The following TSPEAR variants were observed in gnomAD, a reference collection of about 807,000 sequenced individuals.
The protein encoded by TSPEAR is thrombospondin-type laminin G domain and EAR repeat-containing protein.
In TSPEAR, 69 loss-of-function variants were observed where a neutral mutation model predicts 71.6. The observed-to-expected ratio is 0.96, with a 90% CI of 0.79 to 1.18. TSPEAR has a LOEUF of 1.18. Among genes scored for constraint, TSPEAR ranks in the 50% most tolerant of loss-of-function variants. TSPEAR has a pLI of 0.00. For synonymous variants in TSPEAR, 402 were observed against 387.2 expected (o/e 1.04, Z -0.45); for missense variants, 971 against 894.9 (o/e 1.09, Z -1.09).
chr21:44,648,470 T>A lies in TSPEAR; in HGVS notation c.82+62963A>T, dbSNP rs1555940725. Among the ~76,000 whole-genome samples, 4 of 152,220 alleles carry A rather than the reference T, an allele frequency of 2.6e-5. No individual in the cohort carries two copies. In the South Asian group the frequency reaches 8.3e-4, roughly 31 times the overall value. On this transcript the variant is annotated intron_variant, in intron 1 of 11. Coordinates refer to ENST00000323084, the MANE Select transcript of TSPEAR (RefSeq NM_144991.3). ...AGTTTATTCAACCCGTGTCCGTTAC[T>A]TGCTTATTCAAATATTAAGAAAAAT...
At position 44,545,473 on chromosome 21, in the gene TSPEAR, G is replaced by A. The variant is rs376816282; in HGVS notation, c.304-11550C>T. Among the ~76,000 whole-genome samples the A allele has an allele frequency of 5.9e-5, 9 of 152,192 alleles. No homozygotes were observed. In the East Asian group the frequency reaches 9.6e-4, roughly 16 times the overall value. ...GTAGACAACAACACACTCTTCTCAA[G>A]TTCACATGGAACAGTTGCCATATTA... is the stretch of plus-strand genomic sequence containing the variant. On this transcript the variant is annotated intron_variant, in intron 2 of 11. Transcript: ENST00000323084.
chr21:44,607,140 T>C (rs914639098), intron 1 of TSPEAR, among the ~76,000 whole-genome samples: 2 of 152,238 alleles, frequency 1.3e-5, no homozygotes, highest in Non-Finnish European at 2.9e-5. Context: ...TGGAGTGCAG[T>C]GGCACAATAG....
At chr21:44,533,562 C>T (rs1459527550) in intron 3 of TSPEAR, 123 bp downstream of exon 3, 9 of 831,656 alleles carry the variant, frequency 1.1e-5, no homozygotes, top group Non-Finnish European at 1.7e-5. Context: ...TGGCTCCTGA[C>T]CCTGGTCAGC....
intron 1 of TSPEAR, among the ~76,000 whole-genome samples, chr21:44,636,211 C>T (rs1160406077): frequency 3.3e-5 from 5 of 152,156 alleles, no homozygotes; most frequent in Non-Finnish European, 5.9e-5. Context: ...GCATGTGGAC[C>T]GGTCTCCAGC....
Position 44,533,847 on chromosome 21 carries a change from T to C in TSPEAR, c.380A>G (p.Gln127Arg). The stretch of plus-strand genomic sequence containing the variant: ...CTCGCGAAGGAACAGGAAGTGCAGC[T>C]GGGCAGGTGACAACCGCAGGCCGAG... Reference protein sequence around the residue: ...LLLGLRLSPAQLHFLFLREDT... With the variant: ...LLLGLRLSPARLHFLFLREDT... Residue 127 changes from glutamine (Q) to arginine (R), a missense_variant, in exon 3 of 12, where the codon CAG becomes CGG. Physicochemically the swap from Gln to Arg is conservative, Grantham distance 43. Coordinates refer to ENST00000323084, the MANE Select transcript of TSPEAR (RefSeq NM_144991.3). 6.2e-7 allele frequency: 1 copy of C among 1,612,328 alleles called. No homozygotes were observed. The highest frequency in any genetic ancestry group is 8.5e-7 in the Non-Finnish European group (1 of 1,179,872).
rs1472558258 is a variant in TSPEAR, at chr21:44,677,119, AC to A, written c.82+34313del. ...TTGAGCTGCTTGGACCTTTTTGACC[AC>A]ATTATCCAGATCAACTATCATGTTG... On this transcript the variant is annotated intron_variant, in intron 1 of 11. Transcript: ENST00000323084. 64 of 715,328 alleles carry A rather than the reference AC, an allele frequency of 8.9e-5. No homozygotes were observed. The African/African-American group carries it at 1.0e-3, about 11-fold the overall frequency. 44.3% of individuals were successfully genotyped at this position (715,328 alleles called of 1,614,324 possible).
intron 1 of TSPEAR, chr21:44,601,156 G>A (rs1980843013): frequency 1.3e-6 from 2 of 1,596,678 alleles, no homozygotes; most frequent in East Asian, 2.3e-5. Flanking sequence ...GTCTAGCTGT[G>A]TGAGCTGTGT....
chr21:44,583,573 T>TATGTGTGTGTGTGA (rs1351192506), intron 1 of TSPEAR, among the ~76,000 whole-genome samples: 4 of 152,224 alleles, frequency 2.6e-5, no homozygotes, highest in African/African-American at 9.6e-5. Context: ...TTTGTTCATG[T>TATGTGTGTGTGTGA]ATGTGTGTGT....
intron 1 of TSPEAR, among the ~76,000 whole-genome samples, chr21:44,679,496 C>G (rs989218311): frequency 6.6e-6 from 1 of 152,156 alleles, no homozygotes; most frequent in Non-Finnish European, 1.5e-5. Context: ...AGACTCAATG[C>G]AATCTCTATC....
At chr21:44,591,780 C>T (rs1383280326) in intron 1 of TSPEAR, 7 of 1,585,164 alleles carry the variant, frequency 4.4e-6, no homozygotes, top group Non-Finnish European at 6.0e-6. Flanking sequence ...AGCACACAGG[C>T]ACGCAGCAGA....
intron 2 of TSPEAR, among the ~76,000 whole-genome samples, chr21:44,553,818 C>T (rs9984930): frequency 6.6e-6 from 1 of 152,154 alleles, no homozygotes; most frequent in African/African-American, 2.4e-5. Flanking sequence ...AATGAACTGC[C>T]TCAGGCTGAC....
chr21:44,557,558 C>T (rs587746612), intron 2 of TSPEAR, among the ~76,000 whole-genome samples: 133 of 151,972 alleles, frequency 8.8e-4, no homozygotes, highest in South Asian at 1.5e-3. Flanking sequence ...GAGGCCGGGC[C>T]GGGTGGGTGT....
At chr21:44,523,081 GT>G (rs1555914475) in intron 8 of TSPEAR, among the ~76,000 whole-genome samples, 4 of 142,340 alleles carry the variant, frequency 2.8e-5, no homozygotes, top group African/African-American at 1.2e-4. Flanking sequence ...CAGTTAGTCA[GT>G]CAGTCAGCCA....
chr21:44,509,448 C>CAGCACTCTCCCT (rs2052294285), intron 9 of TSPEAR, 62 bp from the exon 10 acceptor site: 1 of 812,528 alleles, frequency 1.2e-6, no homozygotes, highest in Non-Finnish European at 1.6e-6. Context: ...TGTGGGGGAG[C>CAGCACTCTCCCT]GGGCGCAGAG....
intron 2 of TSPEAR, chr21:44,558,571 G>A: frequency 6.2e-7 from 1 of 1,612,286 alleles, no homozygotes; most frequent in East Asian, 2.2e-5. Flanking sequence ...CAGCTCACTG[G>A]GGTGCAGACC....
At position 44,529,783 on chromosome 21, in the gene TSPEAR, G is replaced by A. The variant is rs1569167096; in HGVS notation, c.790+15C>T. The A allele has an allele frequency of 6.2e-7, 1 of 1,613,118 alleles. No individual in the cohort carries two copies. On this transcript the variant is annotated intron_variant, in intron 5 of 11. Transcript: ENST00000323084. ...ATCTGCCTTTGGTGTGGGGGCGGGT[G>A]GCCCCCCTACTAACCATAGGGATAT...
chr21:44,511,614 C>T (rs587692147), intron 9 of TSPEAR, among the ~76,000 whole-genome samples: 18 of 152,384 alleles, frequency 1.2e-4, no homozygotes, highest in African/African-American at 4.3e-4. Flanking sequence ...TACACACACA[C>T]ATGCACCCAC....
chr21:44,697,334 G>A, intron 1 of TSPEAR: 3 of 1,612,088 alleles, frequency 1.9e-6, no homozygotes, highest in Non-Finnish European at 2.5e-6. Context: ...CTGCGCCCCG[G>A]CCCCCTGCCT....
At chr21:44,534,307 T>G (rs1601378584) in intron 2 of TSPEAR, among the ~76,000 whole-genome samples, 1 of 22,026 alleles carries the variant, frequency 4.5e-5, no homozygotes, top group East Asian at 2.0e-3. Context: ...GGCTGGTGTG[T>G]GTGGGGCAGG....
Sources: gnomAD v4.1 joint callset for allele counts (sites outside exome capture counted in the v4.1 genomes callset) on GRCh38, gnomAD v4.1.1 for gene constraint, MANE v1.5 for transcripts, NCBI Gene and HGNC (gene_info 2026-07-23, HGNC 2026-07-21) for gene names.